KCNN2: variants seen among roughly 807,000 people sequenced by gnomAD.
KCNN2 encodes potassium calcium-activated channel subfamily N member 2.
In KCNN2, 24 loss-of-function variants were observed where a neutral mutation model predicts 55.5. The ratio of observed to expected loss-of-function variants is 0.43; its 90% CI spans 0.31 to 0.61. The LOEUF is 0.61. Ranked by LOEUF, KCNN2 falls within the 20% of genes least tolerant of loss-of-function variation. The pLI is 0.08. For synonymous variants in KCNN2, 431 were observed against 336.1 expected (o/e 1.28, Z -3.09); for missense variants, 754 against 853.6 (o/e 0.88, Z 1.45).
chr5:114,190,910 G>T (rs1753437022), intron 1 of KCNN2, among the ~76,000 whole-genome samples: 1 of 152,072 alleles, frequency 6.6e-6, no homozygotes, highest in Admixed American at 6.6e-5. Context: ...ATTCTTTATA[G>T]CTCCCTTCGA....
intron 1 of KCNN2, among the ~76,000 whole-genome samples, chr5:114,157,265 T>C (rs1752656279): frequency 6.6e-6 from 1 of 151,718 alleles, no homozygotes; most frequent in African/African-American, 2.4e-5. Flanking sequence ...GTTTGGCCCT[T>C]TGTCCTTGCC....
chr5:114,306,478 G>A (rs1756274043), intron 2 of KCNN2, among the ~76,000 whole-genome samples: 1 of 152,130 alleles, frequency 6.6e-6, no homozygotes, highest in Non-Finnish European at 1.5e-5. Flanking sequence ...GTGGTTATAA[G>A]GCTCTCATTT....
At chr5:114,195,089 G>A (rs1305087133) in intron 1 of KCNN2, among the ~76,000 whole-genome samples, 1 of 151,756 alleles carries the variant, frequency 6.6e-6, no homozygotes, top group East Asian at 1.9e-4. Flanking sequence ...ATTAATTACT[G>A]TAGCTGAGTA....
At chr5:114,350,990 C>G (rs1469174505) in intron 2 of KCNN2, among the ~76,000 whole-genome samples, 2 of 151,672 alleles carry the variant, frequency 1.3e-5, no homozygotes, top group Non-Finnish European at 3.0e-5. Context: ...TCTCCCAAAC[C>G]CTATCAGCTA....
At chr5:114,064,881 G>T (rs1225081319) in intron 1 of KCNN2, among the ~76,000 whole-genome samples, 1 of 152,152 alleles carries the variant, frequency 6.6e-6, no homozygotes, top group Non-Finnish European at 1.5e-5. Context: ...CAAAGATGTG[G>T]TAGCTTCAAC....
upstream of KCNN2, among the ~76,000 whole-genome samples, chr5:114,361,574 G>A (rs1757422798): frequency 6.6e-6 from 1 of 152,172 alleles, no homozygotes; most frequent in South Asian, 2.1e-4. Context: ...GGGACGAGGG[G>A]GCTGCTGTTT....
At chr5:114,428,399 A>G (rs921483964) in intron 3 of KCNN2, among the ~76,000 whole-genome samples, 2 of 152,194 alleles carry the variant, frequency 1.3e-5, no homozygotes, top group Non-Finnish European at 2.9e-5. Flanking sequence ...CTAATGGAAT[A>G]GTTGATATCT....
chr5:114,326,995 CA>C (rs1756726614), intron 2 of KCNN2, among the ~76,000 whole-genome samples: 2 of 152,154 alleles, frequency 1.3e-5, no homozygotes, highest in Admixed American at 6.5e-5. Context: ...GTTCAAAAAG[CA>C]GACAGATTAA....
At chr5:114,200,834 G>A (rs745917174) in intron 1 of KCNN2, among the ~76,000 whole-genome samples, 27 of 152,112 alleles carry the variant, frequency 1.8e-4, no homozygotes, top group Non-Finnish European at 3.4e-4. Context: ...ATGGTTATTA[G>A]TTCAGGTTGT....
At chr5:114,235,196 G>T (rs1312650218) in intron 2 of KCNN2, among the ~76,000 whole-genome samples, 2 of 152,094 alleles carry the variant, frequency 1.3e-5, no homozygotes, top group Non-Finnish European at 2.9e-5. Flanking sequence ...TACCATTTGA[G>T]GCAAAGTAGC....
At chr5:114,229,405 C>T (rs184019615) in intron 2 of KCNN2, among the ~76,000 whole-genome samples, 4 of 151,716 alleles carry the variant, frequency 2.6e-5, no homozygotes, top group African/African-American at 9.7e-5. Flanking sequence ...TCTCCTTATT[C>T]CTAAAAGACT....
chr5:114,142,996 C>A (rs1173574497), intron 1 of KCNN2, among the ~76,000 whole-genome samples: 1 of 152,128 alleles, frequency 6.6e-6, no homozygotes, highest in African/African-American at 2.4e-5. Flanking sequence ...CAACGGGGCT[C>A]TTTCCTTTTT....
In KCNN2 at chr5:114,063,505, T is replaced by A. The variant is rs185381728; in HGVS notation, c.-271+7005T>A. ...TCAGTGTCTAGAGAACCACCCCCCC[T>A]CCAAATTTCCATTTCTAACAAAGGC... On this transcript the variant is annotated intron_variant, in intron 1 of 10. Coordinates refer to the KCNN2 transcript ENST00000512097. 3.4e-3 allele frequency among the ~76,000 whole-genome samples: 524 copies of A among 152,134 alleles called. 2 individuals are homozygous for A. Among genetic ancestry groups the A allele is most frequent in the Non-Finnish European group, 5.4e-3 (367 of 67,998 alleles).
At position 114,219,661 on chromosome 5, in the gene KCNN2, A is replaced by T. The variant is rs79061792; in HGVS notation, c.-270-1819A>T. ...CATATGTGCTTTAGGAAGATGTAAC[A>T]TTCAAGCAGGAAATCAGGGATATAA... On this transcript the variant is annotated intron_variant, in intron 1 of 10. Coordinates refer to the KCNN2 transcript ENST00000512097. Among the ~76,000 whole-genome samples the T allele has an allele frequency of 5.4e-3, 819 of 152,160 alleles. 5 individuals are homozygous for T. Among genetic ancestry groups the T allele is most frequent in the African/African-American group, 0.019 (776 of 41,532 alleles).
At chr5:114,312,332 G>T (rs1054155309) in intron 2 of KCNN2, among the ~76,000 whole-genome samples, 6 of 145,428 alleles carry the variant, frequency 4.1e-5, no homozygotes, top group Admixed American at 2.1e-4. Context: ...ACTTGATTTG[G>T]CTTGCCCCTA....
intron 2 of KCNN2, among the ~76,000 whole-genome samples, chr5:114,318,222 G>A (rs961595708): frequency 1.9e-4 from 29 of 152,272 alleles, no homozygotes; most frequent in Non-Finnish European, 2.6e-4. Flanking sequence ...GTGTTTTAAG[G>A]AAAAGGCAAT....
At chr5:114,065,481 T>G (rs1373946951) in intron 1 of KCNN2, among the ~76,000 whole-genome samples, 1 of 152,222 alleles carries the variant, frequency 6.6e-6, no homozygotes, top group Non-Finnish European at 1.5e-5. Context: ...ATTTATTGGT[T>G]TTTGCTGAAA....
chr5:114,194,331 T>TTCCA (rs1753508158), intron 1 of KCNN2, among the ~76,000 whole-genome samples: 1 of 152,120 alleles, frequency 6.6e-6, no homozygotes. Context: ...TGTATAAAGT[T>TTCCA]TCCAATTTCT....
At chr5:114,169,450 C>T (rs558886178) in intron 1 of KCNN2, among the ~76,000 whole-genome samples, 57 of 152,036 alleles carry the variant, frequency 3.7e-4, no homozygotes, top group African/African-American at 1.3e-3. Context: ...CTGAATTTCC[C>T]ATAAGAAAAA....
Sources: gnomAD v4.1 joint callset for allele counts (sites outside exome capture counted in the v4.1 genomes callset) on GRCh38, gnomAD v4.1.1 for gene constraint, MANE v1.5 for transcripts, NCBI Gene and HGNC (gene_info 2026-07-23, HGNC 2026-07-21) for gene names.